DLGAP1: variants seen among roughly 807,000 people sequenced by gnomAD.
DLGAP1 encodes DLG associated protein 1.
Under a neutral mutation model 90.8 loss-of-function variants are expected in DLGAP1, and 11 were observed. The ratio of observed to expected loss-of-function variants is 0.12; its 90% CI spans 0.08 to 0.20. The LOEUF (loss-of-function observed/expected upper bound fraction) is 0.20, where lower values mean the gene tolerates loss of function less well. Among genes scored for constraint, DLGAP1 ranks in the 10% least tolerant of loss-of-function variants. The probability of loss-of-function intolerance (pLI) is 1.00; values close to 1 mark genes in which losing one functional copy is unlikely to be tolerated. For missense variants in DLGAP1, 1,050 were observed against 1,333.8 expected, an observed-to-expected ratio of 0.79 and a Z score of 3.31; for synonymous variants, 558 against 540.7, an observed-to-expected ratio of 1.03 and a Z score of -0.44.
intron 1 of DLGAP1, among the ~76,000 whole-genome samples, chr18:4,163,021 A>G (rs1030184405): frequency 6.6e-6 from 1 of 152,112 alleles, no homozygotes; most frequent in Non-Finnish European, 1.5e-5. Flanking sequence ...CACTGCTAAG[A>G]GTGTTGAGTA....
At chr18:4,106,919 A>G (rs149573513) in intron 2 of DLGAP1, among the ~76,000 whole-genome samples, 13 of 152,278 alleles carry the variant, frequency 8.5e-5, no homozygotes, top group African/African-American at 3.1e-4. Flanking sequence ...ATCAATCCGG[A>G]GTGTATAATT....
At chr18:3,529,101 G>A (rs943327812) in intron 10 of DLGAP1, among the ~76,000 whole-genome samples, 1 of 152,170 alleles carries the variant, frequency 6.6e-6, no homozygotes, top group African/African-American at 2.4e-5. Context: ...TACTTGCTAT[G>A]GTCTGAATGT....
At chr18:4,166,772 C>A (rs971021145) in intron 1 of DLGAP1, among the ~76,000 whole-genome samples, 2 of 152,042 alleles carry the variant, frequency 1.3e-5, no homozygotes, top group African/African-American at 2.4e-5. Flanking sequence ...TGAAATAAAC[C>A]AAACACACAA....
rs188905961 is a variant in DLGAP1 at position 4,213,098 on chromosome 18, T to A, written c.-266-61811A>T. On this transcript the variant is annotated intron_variant, in intron 1 of 12. Coordinates refer to ENST00000315677, the MANE Select transcript of DLGAP1 (RefSeq NM_004746.4). Reference sequence around the variant, plus strand: ...GGTTTTGGGGATTAAGTACAAAGCATGAAATTAGACTTTGAAGGTATAAAG... The same window carrying A: ...GGTTTTGGGGATTAAGTACAAAGCAAGAAATTAGACTTTGAAGGTATAAAG... 2.0e-5 allele frequency among the ~76,000 whole-genome samples: 3 copies of A among 152,298 alleles called. No individual in the cohort carries two copies. The East Asian group carries it at 5.8e-4, about 29-fold the overall frequency.
intron 9 of DLGAP1, among the ~76,000 whole-genome samples, chr18:3,544,222 C>T (rs1203538724): frequency 6.6e-6 from 1 of 152,100 alleles, no homozygotes; most frequent in East Asian, 1.9e-4. Flanking sequence ...AAACCTGTCT[C>T]TACTAAAAAC....
At chr18:3,756,407 A>C (rs201916605) in intron 5 of DLGAP1, among the ~76,000 whole-genome samples, 1 of 152,234 alleles carries the variant, frequency 6.6e-6, no homozygotes, top group Non-Finnish European at 1.5e-5. Context: ...GAAATTACAA[A>C]GTATTTTGAA....
At chr18:4,309,618 C>T (rs998207231) in intron 1 of DLGAP1, among the ~76,000 whole-genome samples, 4 of 152,066 alleles carry the variant, frequency 2.6e-5, no homozygotes, top group Admixed American at 6.6e-5. Flanking sequence ...CCAATGCCCA[C>T]TGTCAGTGGA....
intron 2 of DLGAP1, among the ~76,000 whole-genome samples, chr18:4,024,546 T>C (rs1192140330): frequency 6.6e-6 from 1 of 152,156 alleles, no homozygotes; most frequent in Non-Finnish European, 1.5e-5. Flanking sequence ...CGGAGTGACA[T>C]GTCTGTTCGT....
intron 1 of DLGAP1, among the ~76,000 whole-genome samples, chr18:4,154,824 G>A (rs181602279): frequency 2.0e-5 from 3 of 152,088 alleles, no homozygotes; most frequent in African/African-American, 4.8e-5. Flanking sequence ...TCATTCATTC[G>A]CCCCACCGTT....
intron 5 of DLGAP1, among the ~76,000 whole-genome samples, chr18:3,785,205 A>G (rs2065390604): frequency 6.6e-6 from 1 of 151,826 alleles, no homozygotes; most frequent in African/African-American, 2.4e-5. Context: ...TAGAAAACCC[A>G]CAGAGTTATT....
At chr18:3,963,229 C>T (rs1343037599) in intron 3 of DLGAP1, among the ~76,000 whole-genome samples, 1 of 151,874 alleles carries the variant, frequency 6.6e-6, no homozygotes. Flanking sequence ...GGAGGCTTCA[C>T]CTGAAGCTGG....
chr18:4,218,088 G>T (rs1351308327), intron 1 of DLGAP1, among the ~76,000 whole-genome samples: 1 of 150,472 alleles, frequency 6.6e-6, no homozygotes, highest in African/African-American at 2.4e-5. Flanking sequence ...TTTAATTTCT[G>T]TGAAAGGTGT....
At chr18:4,201,146 T>A (rs1249793803) in intron 1 of DLGAP1, among the ~76,000 whole-genome samples, 3 of 152,162 alleles carry the variant, frequency 2.0e-5, no homozygotes, top group Admixed American at 2.0e-4. Context: ...GCTTTTTAGT[T>A]TAGTTCAGTC....
intron 2 of DLGAP1, among the ~76,000 whole-genome samples, chr18:4,129,698 G>A (rs961893458): frequency 1.3e-5 from 2 of 152,132 alleles, no homozygotes; most frequent in African/African-American, 4.8e-5. Context: ...ACCTACCCAC[G>A]CCAATTTAGT....
intron 4 of DLGAP1, chr18:3,874,621 T>A: frequency 6.5e-7 from 1 of 1,535,136 alleles, no homozygotes; most frequent in Non-Finnish European, 8.7e-7. Flanking sequence ...TACCCTGAGA[T>A]GTGCCATAAA....
intron 7 of DLGAP1, among the ~76,000 whole-genome samples, chr18:3,719,556 C>CAAAA (rs60129859): frequency 4.0e-3 from 224 of 56,048 alleles, no homozygotes; most frequent in Non-Finnish European, 6.6e-3. Context: ...GACTCTGTCT[C>CAAAA]AAAAAAAAAA....
At chr18:3,845,253 C>A (rs1185171246) in intron 4 of DLGAP1, 1 of 1,612,980 alleles carries the variant, frequency 6.2e-7, no homozygotes, top group Non-Finnish European at 8.5e-7. Flanking sequence ...GAATGCCAAA[C>A]AGAATGTCTT....
intron 1 of DLGAP1, among the ~76,000 whole-genome samples, chr18:4,339,373 G>C (rs1396794115): frequency 6.6e-6 from 1 of 152,108 alleles, no homozygotes; most frequent in Non-Finnish European, 1.5e-5. Context: ...TAATGCATGC[G>C]AGTCTTAATA....
chr18:3,622,190 C>T (rs890096725), intron 7 of DLGAP1, among the ~76,000 whole-genome samples: 3 of 151,810 alleles, frequency 2.0e-5, no homozygotes, highest in East Asian at 1.9e-4. Context: ...CTGCCAGCTC[C>T]GCCTCCCAGG....
Sources: gnomAD v4.1 joint callset for allele counts (sites outside exome capture counted in the v4.1 genomes callset) on GRCh38, gnomAD v4.1.1 for gene constraint, MANE v1.5 for transcripts, NCBI Gene and HGNC (gene_info 2026-07-23, HGNC 2026-07-21) for gene names.